The following HPF1 variants were observed in gnomAD, a reference collection of about 807,000 sequenced individuals.
HPF1 encodes histone PARylation factor 1, also known as UPF0609 protein C4orf27.
HPF1 carries 35 observed loss-of-function variants against 38.8 expected under a neutral mutation model. The ratio of observed to expected loss-of-function variants is 0.90; its 90% CI spans 0.69 to 1.19. The LOEUF (loss-of-function observed/expected upper bound fraction) is 1.19. HPF1 is among the 50% of genes most tolerant of loss of function. The pLI is 0.00. For synonymous variants in HPF1, 115 were observed against 139.2 expected (o/e 0.83, Z 1.22); for missense variants, 367 against 405.8 (o/e 0.90, Z 0.82).
chr4:169,744,918 G>A (rs533191047), intron 4 of HPF1, among the ~76,000 whole-genome samples: 1 of 150,686 alleles, frequency 6.6e-6, no homozygotes, highest in Non-Finnish European at 1.5e-5. Context: ...TGCTACAAAG[G>A]TATAAAACTC....
chr4:169,757,163 CCT>C (rs1206982912), intron 1 of HPF1, among the ~76,000 whole-genome samples: 2 of 152,140 alleles, frequency 1.3e-5, no homozygotes, highest in Non-Finnish European at 2.9e-5. Context: ...CTCCTCCTCC[CCT>C]CTCAGTAGTG....
chr4:169,748,866 A>G (rs1734083127), intron 3 of HPF1, 24 bp from the exon 4 acceptor site: 3 of 1,049,740 alleles, frequency 2.9e-6, no homozygotes, highest in Non-Finnish European at 4.2e-6. Context: ...AGACATTAAA[A>G]ATTTAGCTGC....
intron 2 of HPF1, among the ~76,000 whole-genome samples, chr4:169,751,729 T>C (rs1734121783): frequency 6.6e-6 from 1 of 152,148 alleles, no homozygotes; most frequent in Non-Finnish European, 1.5e-5. Flanking sequence ...ATAACATGAA[T>C]AGAAGCATGG....
At chr4:169,742,596 T>C (rs1369089878) in intron 4 of HPF1, among the ~76,000 whole-genome samples, 2 of 152,088 alleles carry the variant, frequency 1.3e-5, no homozygotes, top group Non-Finnish European at 2.9e-5. Context: ...ATCAAGACCA[T>C]CCTGGCTAAC....
intron 5 of HPF1, among the ~76,000 whole-genome samples, chr4:169,738,063 T>C (rs1733921262): frequency 6.6e-6 from 1 of 152,152 alleles, no homozygotes; most frequent in Non-Finnish European, 1.5e-5. Context: ...AAATATTGGT[T>C]TCCTCTAAGG....
In HPF1 at chr4:169,737,752, A is replaced by G. The variant is rs780730712; in HGVS notation, c.649-5T>C. 2.5e-6 allele frequency: 4 copies of G among 1,589,650 alleles called. No individual in the cohort carries two copies. The highest frequency in any genetic ancestry group is 3.5e-6 in the Non-Finnish European group (4 of 1,158,110). On this transcript the variant is annotated splice_region_variant and splice_polypyrimidine_tract_variant and intron_variant, in intron 5 of 7. Coordinates refer to ENST00000393381, the MANE Select transcript of HPF1 (RefSeq NM_017867.3). ...ATGAAAGGTCTTTGTCACAACCTAC[A>G]TTAAAGAAAAGAATAAAATGTAATC...
intron 6 of HPF1, among the ~76,000 whole-genome samples, chr4:169,735,060 G>A (rs920415170): frequency 6.6e-6 from 1 of 150,770 alleles, no homozygotes; most frequent in Non-Finnish European, 1.5e-5. Context: ...CTGGGAGGCG[G>A]AGGTTACAGT....
chr4:169,754,371 T>C (rs1031696190), intron 1 of HPF1, among the ~76,000 whole-genome samples: 2 of 152,170 alleles, frequency 1.3e-5, no homozygotes, highest in Non-Finnish European at 2.9e-5. Context: ...TTAGTGACAA[T>C]GTTAAACATC....
chr4:169,740,381 ACT>A (rs1733953980), intron 5 of HPF1, among the ~76,000 whole-genome samples: 1 of 152,148 alleles, frequency 6.6e-6, no homozygotes, highest in Non-Finnish European at 1.5e-5. Context: ...ACTCATAAAG[ACT>A]CTGCATTCCA....
intron 4 of HPF1, among the ~76,000 whole-genome samples, chr4:169,745,125 C>T (rs143355472): frequency 3.9e-4 from 59 of 152,226 alleles, no homozygotes; most frequent in East Asian, 1.2e-3. Context: ...CATAGGTGCA[C>T]GGACAGACAG....
chr4:169,730,064 A>G (rs1272887161), intron 7 of HPF1, among the ~76,000 whole-genome samples: 2 of 152,182 alleles, frequency 1.3e-5, no homozygotes, highest in Non-Finnish European at 2.9e-5. Context: ...ATTTTCCTCA[A>G]TTCTGTAAGA....
intron 6 of HPF1, among the ~76,000 whole-genome samples, chr4:169,736,704 C>A (rs908766493): frequency 1.3e-5 from 2 of 152,162 alleles, no homozygotes; most frequent in South Asian, 4.1e-4. Context: ...CAAATACGTG[C>A]ATTGGGCAGG....
chr4:169,736,109 T>C (rs1733888787), intron 6 of HPF1, among the ~76,000 whole-genome samples: 1 of 151,908 alleles, frequency 6.6e-6, no homozygotes. Flanking sequence ...CCAGGTTCGG[T>C]GGCTCATGCC....
chr4:169,729,654 CT>C lies in HPF1; in HGVS notation c.964del (p.Arg322GlyfsTer20), dbSNP rs1386048619. The C allele has an allele frequency of 1.9e-6, 3 of 1,586,520 alleles. No homozygotes were observed. The highest frequency in any genetic ancestry group is 1.7e-6 in the Non-Finnish European group (2 of 1,168,454). ...CTCAATAATTTCTGCAAACAGATTC[CT>C]CTTCAACAGATTATATGCAAGAGGT... ...LLPLAYNLLK[R>X]NLFAEIIEEH... On this transcript the variant is annotated frameshift_variant, in exon 8 of 8. Coordinates refer to ENST00000393381, the MANE Select transcript of HPF1 (RefSeq NM_017867.3). LOFTEE classifies it high-confidence loss of function.
chr4:169,746,567 T>A (rs1463035391), intron 4 of HPF1, among the ~76,000 whole-genome samples: 2 of 152,142 alleles, frequency 1.3e-5, no homozygotes, highest in East Asian at 3.9e-4. Flanking sequence ...TTTCTTTAGT[T>A]ACTATTAAAT....
At chr4:169,752,960 TTTCTC>T (rs1257905436) in intron 2 of HPF1, among the ~76,000 whole-genome samples, 1 of 152,116 alleles carries the variant, frequency 6.6e-6, no homozygotes, top group Non-Finnish European at 1.5e-5. Context: ...CTTTCTATAT[TTTCTC>T]TTACTAGAAG....
chr4:169,740,635 G>A (rs1208025535), intron 5 of HPF1, among the ~76,000 whole-genome samples: 7 of 152,278 alleles, frequency 4.6e-5, no homozygotes, highest in Admixed American at 1.3e-4. Context: ...GTCATTAACA[G>A]GGGAGGATTA....
chr4:169,740,261 C>T (rs1330883567), intron 5 of HPF1, among the ~76,000 whole-genome samples: 7 of 152,186 alleles, frequency 4.6e-5, no homozygotes. Flanking sequence ...TTACATGTGT[C>T]ATTTAAGATT....
At chr4:169,731,675 G>A in intron 7 of HPF1, 29 bp downstream of exon 7, 1 of 1,488,990 alleles carries the variant, frequency 6.7e-7, no homozygotes, top group Non-Finnish European at 8.9e-7. Flanking sequence ...TGTGGCAGTG[G>A]GTAGAAGGTG....
Sources: gnomAD v4.1 joint callset for allele counts (sites outside exome capture counted in the v4.1 genomes callset) on GRCh38, gnomAD v4.1.1 for gene constraint, MANE v1.5 for transcripts, NCBI Gene and HGNC (gene_info 2026-07-23, HGNC 2026-07-21) for gene names.